The following PDZRN3 variants were observed in gnomAD, a reference collection of about 807,000 sequenced individuals.
PDZRN3 encodes PDZ domain containing ring finger 3.
In PDZRN3, 38 loss-of-function variants were observed where a neutral mutation model predicts 85.7. The observed-to-expected ratio is 0.44, with a 90% CI of 0.34 to 0.58. The LOEUF (loss-of-function observed/expected upper bound fraction) is 0.58. Among genes scored for constraint, PDZRN3 ranks in the 20% least tolerant of loss-of-function variants. The pLI, the probability that PDZRN3 is intolerant of heterozygous loss-of-function variation, is 0.01. For missense variants in PDZRN3, 1,629 were observed against 1,506.4 expected (o/e 1.08, Z -1.35); for synonymous variants, 759 against 638.0 (o/e 1.19, Z -2.86).
chr3:73,576,233 G>A (rs768392280), intron 3 of PDZRN3, among the ~76,000 whole-genome samples: 5 of 152,172 alleles, frequency 3.3e-5, no homozygotes, highest in Non-Finnish European at 7.3e-5. Flanking sequence ...AAGGATGGGA[G>A]AATAAGGTCT....
intron 3 of PDZRN3, among the ~76,000 whole-genome samples, chr3:73,420,208 A>T (rs1702171521): frequency 6.6e-6 from 1 of 152,180 alleles, no homozygotes; most frequent in Non-Finnish European, 1.5e-5. Context: ...CCATATTGAG[A>T]TGACTCAGGA....
intron 3 of PDZRN3, among the ~76,000 whole-genome samples, chr3:73,532,176 ATT>A (rs112895986): frequency 6.8e-6 from 1 of 147,686 alleles, no homozygotes; most frequent in Admixed American, 6.8e-5. Context: ...GATTTTCTGT[ATT>A]TTTTTTTTAG....
chr3:73,497,053 T>G (rs1401994804), intron 3 of PDZRN3, among the ~76,000 whole-genome samples: 1 of 152,188 alleles, frequency 6.6e-6, no homozygotes, highest in African/African-American at 2.4e-5. Flanking sequence ...AATACACACT[T>G]TGGGCCTTAT....
At chr3:73,405,330 G>A (rs945037368) in intron 3 of PDZRN3, among the ~76,000 whole-genome samples, 14 of 152,156 alleles carry the variant, frequency 9.2e-5, no homozygotes, top group African/African-American at 3.4e-4. Context: ...AATCAAAGTC[G>A]TTCCAAGTTA....
intron 3 of PDZRN3, among the ~76,000 whole-genome samples, chr3:73,491,744 T>C (rs1386820499): frequency 4.6e-5 from 7 of 151,958 alleles, no homozygotes; most frequent in Non-Finnish European, 1.5e-5. Flanking sequence ...TACAGGTGCA[T>C]ACCACTGTGT....
chr3:73,433,693 C>A (rs1187036075), intron 3 of PDZRN3: 1 of 1,536,018 alleles, frequency 6.5e-7, no homozygotes, highest in South Asian at 1.2e-5. Flanking sequence ...GCAGGCTGCA[C>A]AGACTGCATC....
chr3:73,536,047 C>A (rs1204437580), intron 3 of PDZRN3, among the ~76,000 whole-genome samples: 1 of 152,184 alleles, frequency 6.6e-6, no homozygotes, highest in Admixed American at 6.5e-5. Flanking sequence ...TTGAGCTACA[C>A]CAACAACAAC....
chr3:73,582,456 C>T (rs1374920284), intron 3 of PDZRN3, among the ~76,000 whole-genome samples: 2 of 152,058 alleles, frequency 1.3e-5, no homozygotes, highest in Non-Finnish European at 2.9e-5. Context: ...CTCAATACTT[C>T]CTATACCTAT....
intron 3 of PDZRN3, among the ~76,000 whole-genome samples, chr3:73,491,595 T>G (rs1264960766): frequency 6.8e-6 from 1 of 147,170 alleles, no homozygotes; most frequent in African/African-American, 2.5e-5. Context: ...GAAGGTTCCT[T>G]TTTTTTTTTT....
chr3:73,497,180 T>C (rs1703882935), intron 3 of PDZRN3, among the ~76,000 whole-genome samples: 1 of 152,178 alleles, frequency 6.6e-6, no homozygotes, highest in Non-Finnish European at 1.5e-5. Flanking sequence ...TTCAGGAACA[T>C]TTGCTTCCCT....
chr3:73,442,066 G>A (rs1038184976), intron 3 of PDZRN3, among the ~76,000 whole-genome samples: 1 of 152,192 alleles, frequency 6.6e-6, no homozygotes, highest in African/African-American at 2.4e-5. Context: ...AAATGGCATG[G>A]TGGGGCAGTG....
intron 1 of PDZRN3, among the ~76,000 whole-genome samples, chr3:73,619,538 G>A (rs1702818276): frequency 6.6e-6 from 1 of 152,162 alleles, no homozygotes; most frequent in African/African-American, 2.4e-5. Flanking sequence ...AAAGGCTGTG[G>A]GCAAGAGGAG....
At chr3:73,439,510 G>A (rs1210640860) in intron 3 of PDZRN3, among the ~76,000 whole-genome samples, 1 of 152,168 alleles carries the variant, frequency 6.6e-6, no homozygotes, top group African/African-American at 2.4e-5. Context: ...CTTTTCAACA[G>A]CTTGTCTGAA....
intron 3 of PDZRN3, among the ~76,000 whole-genome samples, chr3:73,574,951 A>G (rs1702101749): frequency 6.6e-6 from 1 of 152,218 alleles, no homozygotes; most frequent in South Asian, 2.1e-4. Flanking sequence ...CTCTCAGCTC[A>G]CCAAAGGGCT....
chr3:73,385,120 G>A (rs1701339002), intron 9 of PDZRN3, among the ~76,000 whole-genome samples, 190 bp from the exon 10 acceptor site: 1 of 152,228 alleles, frequency 6.6e-6, no homozygotes, highest in Non-Finnish European at 1.5e-5. Context: ...ACCTGGGCAA[G>A]TCACTTATTC....
chr3:73,391,025 A>G lies in PDZRN3; in HGVS notation c.1346T>C (p.Ile449Thr), dbSNP rs1701514954. 1.2e-6 allele frequency: 2 copies of G among 1,609,158 alleles called. No homozygotes were observed. The highest frequency in any genetic ancestry group is 1.7e-6 in the Non-Finnish European group (2 of 1,175,790). The change falls in exon 6 of 10, where the codon ATC (isoleucine) becomes ACC (threonine). Residue 449 changes from isoleucine to threonine, a missense_variant. Coordinates refer to ENST00000263666, the MANE Select transcript of PDZRN3 (RefSeq NM_015009.3). Reference sequence around the variant, plus strand: ...CAAAATCAGCCTTTGTACCTCACTGATATAAATCCCAATGTCGTCTTCATC... The same window carrying G: ...CAAAATCAGCCTTTGTACCTCACTGGTATAAATCCCAATGTCGTCTTCATC... ...TDDEDDIGIY[I>T]SEIDPNSIAA...
intron 3 of PDZRN3, among the ~76,000 whole-genome samples, chr3:73,598,566 A>T (rs1219843054): frequency 6.6e-6 from 1 of 152,170 alleles, no homozygotes; most frequent in Non-Finnish European, 1.5e-5. Context: ...GTATGACCAA[A>T]GTCTGCCCAA....
intron 3 of PDZRN3, among the ~76,000 whole-genome samples, chr3:73,450,625 T>C (rs1702839519): frequency 6.6e-6 from 1 of 152,246 alleles, no homozygotes. Context: ...CTTGTGTGAT[T>C]TTCCAAATTG....
intron 3 of PDZRN3, among the ~76,000 whole-genome samples, chr3:73,519,355 A>G (rs1704311487): frequency 6.6e-6 from 1 of 152,254 alleles, no homozygotes; most frequent in Admixed American, 6.5e-5. Context: ...GGGAAATGCC[A>G]GCACGAAGGC....
Sources: gnomAD v4.1 joint callset for allele counts (sites outside exome capture counted in the v4.1 genomes callset) on GRCh38, gnomAD v4.1.1 for gene constraint, MANE v1.5 for transcripts, NCBI Gene and HGNC (gene_info 2026-07-23, HGNC 2026-07-21) for gene names.